The following TMEM184B variants were observed in gnomAD, a reference collection of about 807,000 sequenced individuals.
TMEM184B encodes putative MAPK-activating protein FM08.
Under a neutral mutation model 41.8 loss-of-function variants are expected in TMEM184B, and 17 were observed. The observed-to-expected ratio is 0.41, with a 90% confidence interval of 0.28 to 0.61. The LOEUF (loss-of-function observed/expected upper bound fraction) is 0.61, where lower values mean the gene tolerates loss of function less well. Among genes scored for constraint, TMEM184B ranks in the 20% least tolerant of loss-of-function variants. The probability of loss-of-function intolerance (pLI) is 0.34; values close to 1 mark genes in which losing one functional copy is unlikely to be tolerated. For missense variants in TMEM184B, 393 were observed against 557.8 expected, an observed-to-expected ratio of 0.70 and a Z score of 2.98; for synonymous variants, 240 against 229.5, an observed-to-expected ratio of 1.05 and a Z score of -0.41.
chr22:38,270,649 C>T (rs1169157464), intron 1 of TMEM184B, among the ~76,000 whole-genome samples: 1 of 152,200 alleles, frequency 6.6e-6, no homozygotes, highest in East Asian at 1.9e-4. Flanking sequence ...AGACCCCACA[C>T]AGAGCTCTCC....
intron 3 of TMEM184B, among the ~76,000 whole-genome samples, chr22:38,244,617 C>A (rs78495285): frequency 1.2e-4 from 19 of 152,038 alleles, no homozygotes; most frequent in African/African-American, 4.6e-4. Context: ...CCATTATGCC[C>A]GGATAATTTT....
At chr22:38,267,696 G>C (rs765023822) in intron 1 of TMEM184B, among the ~76,000 whole-genome samples, 1 of 152,058 alleles carries the variant, frequency 6.6e-6, no homozygotes, top group Non-Finnish European at 1.5e-5. Context: ...GCCTCCCAAA[G>C]TACTGGGATT....
chr22:38,237,347 C>A (rs1308661799), intron 3 of TMEM184B, among the ~76,000 whole-genome samples: 1 of 152,250 alleles, frequency 6.6e-6, no homozygotes, highest in African/African-American at 2.4e-5. Flanking sequence ...AGGAGGCAGA[C>A]ACACTCATAT....
chr22:38,262,476 G>A (rs2092385683), intron 1 of TMEM184B, among the ~76,000 whole-genome samples: 1 of 152,230 alleles, frequency 6.6e-6, no homozygotes, highest in Admixed American at 6.5e-5. Context: ...GAGGTGGGGA[G>A]TTAAGAGGGC....
At chr22:38,272,109 G>A (rs2092532393) in intron 1 of TMEM184B, among the ~76,000 whole-genome samples, 1 of 152,224 alleles carries the variant, frequency 6.6e-6, no homozygotes, top group Non-Finnish European at 1.5e-5. Flanking sequence ...CTGGAAAGGA[G>A]GGAGGAGTAA....
At chr22:38,237,520 G>A (rs983867647) in intron 3 of TMEM184B, among the ~76,000 whole-genome samples, 1 of 152,252 alleles carries the variant, frequency 6.6e-6, no homozygotes, top group Non-Finnish European at 1.5e-5. Flanking sequence ...TTCTGCTGCA[G>A]AGAAACACTC....
chr22:38,263,490 A>G (rs978049635), intron 1 of TMEM184B, among the ~76,000 whole-genome samples: 4 of 152,116 alleles, frequency 2.6e-5, no homozygotes, highest in African/African-American at 9.7e-5. Context: ...TTGAGCGTCC[A>G]TCTTATGTAT....
chr22:38,227,104 C>G (rs2091466273), intron 5 of TMEM184B, among the ~76,000 whole-genome samples: 1 of 150,956 alleles, frequency 6.6e-6, no homozygotes, highest in Non-Finnish European at 1.5e-5. Flanking sequence ...TCCCAGGGGA[C>G]TGCTGTCTGC....
intron 2 of TMEM184B, among the ~76,000 whole-genome samples, chr22:38,247,070 C>T (rs1389331094): frequency 1.3e-5 from 2 of 152,214 alleles, no homozygotes; most frequent in Non-Finnish European, 2.9e-5. Flanking sequence ...CAAGGCCCGT[C>T]CCAGCCCACA....
intron 5 of TMEM184B, 78 bp downstream of exon 5, chr22:38,230,591 G>T: frequency 6.8e-7 from 1 of 1,475,870 alleles, no homozygotes; most frequent in Non-Finnish European, 9.3e-7. Context: ...CTAAGGTGGG[G>T]CCCAGGGCAG....
At chr22:38,230,536 G>T in intron 5 of TMEM184B, 133 bp downstream of exon 5, 1 of 811,404 alleles carries the variant, frequency 1.2e-6, no homozygotes, top group Non-Finnish European at 2.0e-6. Context: ...CAGCTTCGGG[G>T]GGTGGGTGCT....
In TMEM184B at chr22:38,230,863, C is replaced by A. The variant is rs11913726; in HGVS notation, c.450-119G>T. 1.4e-4 allele frequency: 140 copies of A among 990,628 alleles called. 1 individual carries two copies. The African/African-American group carries it at 2.0e-3, about 14-fold the overall frequency. 61.4% of individuals were successfully genotyped at this position (990,628 alleles called of 1,614,324 possible). A position where few individuals can be genotyped will look rare whatever the true frequency, so the allele number is the denominator to read the frequency against. On this transcript the variant is annotated intron_variant, in intron 4 of 8. Transcript: ENST00000361906. ...GACGAGCTGGGGCACACATTCTGGG[C>A]AGACTTTGAACCCGAGGCCAAGCAC... is the stretch of plus-strand genomic sequence containing the variant.
At position 38,219,325 on chromosome 22, in the gene TMEM184B, A is replaced by G; in HGVS notation, c.*2144T>C. 1 of 985,830 alleles carries G rather than the reference A, an allele frequency of 1.0e-6. No individual in the cohort carries two copies. Among genetic ancestry groups the G allele is most frequent in the Non-Finnish European group, 1.2e-6 (1 of 829,926 alleles). The allele number at this position is 985,830 out of a possible 1,614,324, so 61.1% of individuals were successfully genotyped here. On this transcript the variant is annotated 3_prime_UTR_variant, in exon 9 of 9. Coordinates refer to ENST00000361906, the MANE Select transcript of TMEM184B (RefSeq NM_012264.5). ...ATACAATCTATATTATCTCATATAT[A>G]GATTTCTTCCTCACTTTATTTGCTC...
chr22:38,235,495 A>G (rs1251171715), intron 3 of TMEM184B, among the ~76,000 whole-genome samples: 1 of 152,232 alleles, frequency 6.6e-6, no homozygotes, highest in African/African-American at 2.4e-5. Flanking sequence ...CAGAATCATC[A>G]AATGTCATCA....
At chr22:38,237,814 T>C (rs1295014712) in intron 3 of TMEM184B, among the ~76,000 whole-genome samples, 1 of 151,932 alleles carries the variant, frequency 6.6e-6, no homozygotes, top group African/African-American at 2.4e-5. Context: ...TTTTTTTTTT[T>C]TTTTAGACGG....
intron 3 of TMEM184B, among the ~76,000 whole-genome samples, chr22:38,244,549 C>A (rs762220397): frequency 3.9e-5 from 6 of 152,068 alleles, no homozygotes; most frequent in Non-Finnish European, 8.8e-5. Context: ...CTCTGCCTCC[C>A]AGGTTCAAGT....
chr22:38,225,449 G>C lies in TMEM184B; in HGVS notation c.762C>G (p.Ser254=), dbSNP rs16998818. The change falls in exon 7 of 9, where the codon TCC becomes TCG. Residue 254 remains serine, a synonymous_variant. Coordinates refer to ENST00000361906, the MANE Select transcript of TMEM184B (RefSeq NM_012264.5). The surrounding 1 kb of genome is among the most constrained non-coding windows in gnomAD (Gnocchi z 4.4). ...SPVLKFFMVK[S]VIFLSFWQGM... is the part of the protein sequence containing the mutation. ...CTTGCCAGAAGGAAAGAAAGATGAC[G>C]GACTTGACCATGAAGAACTTGAGGA... 6.4e-7 allele frequency: 1 copy of C among 1,573,728 alleles called. No individual in the cohort carries two copies. Among genetic ancestry groups the C allele is most frequent in the South Asian group, 1.2e-5 (1 of 85,948 alleles).
downstream of TMEM184B, among the ~76,000 whole-genome samples, chr22:38,218,589 G>A (rs1331962651): frequency 1.3e-5 from 2 of 152,156 alleles, no homozygotes; most frequent in African/African-American, 2.4e-5. Flanking sequence ...ATTTGAGTCC[G>A]GGAAAGGGCC....
Position 38,220,460 on chromosome 22 carries a change from G to T in TMEM184B, c.*1009C>A. On this transcript the variant is annotated 3_prime_UTR_variant, in exon 9 of 9. Coordinates refer to ENST00000361906, the MANE Select transcript of TMEM184B (RefSeq NM_012264.5). Reference sequence around the variant, plus strand: ...TGGATAGGGGCCCCGAGAGGAGTCTGGGACCATTCCCCCCACCTCCCAGCT... The same window carrying T: ...TGGATAGGGGCCCCGAGAGGAGTCTTGGACCATTCCCCCCACCTCCCAGCT... 1 of 985,894 alleles carries T rather than the reference G, an allele frequency of 1.0e-6. No individual in the cohort carries two copies. The highest frequency in any genetic ancestry group is 1.2e-6 in the Non-Finnish European group (1 of 830,012). 61.1% of individuals were successfully genotyped at this position (985,894 alleles called of 1,614,324 possible). A position where few individuals can be genotyped will look rare whatever the true frequency, so the allele number is the denominator to read the frequency against.
Sources: gnomAD v4.1 joint callset for allele counts (sites outside exome capture counted in the v4.1 genomes callset) on GRCh38, gnomAD v4.1.1 for gene constraint, Gnocchi (gnomAD v3.1) non-coding constraint, MANE v1.5 for transcripts, NCBI Gene and HGNC (gene_info 2026-07-23, HGNC 2026-07-21) for gene names.